The following PRR11 variants were observed in gnomAD, a reference collection of about 807,000 sequenced individuals.
PRR11 encodes proline-rich protein 11.
PRR11 carries 30 observed loss-of-function variants against 45.6 expected under a neutral mutation model. The ratio of observed to expected loss-of-function variants is 0.66; its 90% confidence interval spans 0.49 to 0.89. The LOEUF (loss-of-function observed/expected upper bound fraction) is 0.89, where lower values mean the gene tolerates loss of function less well. PRR11 is among the 40% of genes least tolerant of loss of function. The pLI is 0.00. For synonymous variants in PRR11, 128 were observed against 153.5 expected (o/e 0.83, Z 1.23); for missense variants, 373 against 424.8 (o/e 0.88, Z 1.07).
In PRR11 at chr17:59,205,563, A is replaced by G. The variant is rs28695845; in HGVS notation, c.*3932A>G. Among the ~76,000 whole-genome samples, 65,877 of 149,658 alleles carry G rather than the reference A, an allele frequency of 0.44. 16,544 individuals carry two copies. Among genetic ancestry groups the G allele is most frequent in the African/African-American group, 0.7 (28,379 of 40,668 alleles). The stretch of plus-strand genomic sequence containing the variant: ...CTAAAAATACAAAAATTAGCCGGGC[A>G]TAGTGGCAGACACCTGTAATCCCAG... On this transcript the variant is annotated 3_prime_UTR_variant, in exon 10 of 10. Coordinates refer to ENST00000262293, the MANE Select transcript of PRR11 (RefSeq NM_018304.4).
intron 2 of PRR11, among the ~76,000 whole-genome samples, chr17:59,174,303 TC>T (rs1372978174): frequency 1.3e-5 from 2 of 152,178 alleles, no homozygotes; most frequent in Non-Finnish European, 2.9e-5. Context: ...TGTGACAACA[TC>T]ACAAACCCTG....
At chr17:59,158,493 A>C (rs1298507050) in intron 1 of PRR11, among the ~76,000 whole-genome samples, 1 of 152,226 alleles carries the variant, frequency 6.6e-6, no homozygotes, top group Admixed American at 6.5e-5. Flanking sequence ...CTAAGAGTAA[A>C]GTATCATGAT....
chr17:59,160,266 T>C (rs941571381), intron 1 of PRR11, among the ~76,000 whole-genome samples: 5 of 152,092 alleles, frequency 3.3e-5, no homozygotes, highest in Admixed American at 6.6e-5. Flanking sequence ...CTCTTGAAGG[T>C]CATAAATAAG....
rs563176133 is a variant in PRR11, at chr17:59,185,445, A to G, written c.285A>G (p.Leu95=). The part of the protein sequence containing the change: ...SWCQNCITQS[L]EVLKDTIFPS... ...TTGTTTATTATTAATTTCAGAGTTTAGAAGTATTGAAAGACACCATCTTTC... is the reference window on the plus strand; with the variant it reads ...TTGTTTATTATTAATTTCAGAGTTTGGAAGTATTGAAAGACACCATCTTTC... The change falls in exon 4 of 10, where the codon TTA becomes TTG. Residue 95 remains leucine (L), a synonymous_variant. Coordinates refer to ENST00000262293, the MANE Select transcript of PRR11 (RefSeq NM_018304.4). 1.6e-5 allele frequency: 25 copies of G among 1,598,744 alleles called. No individual in the cohort carries two copies. Among genetic ancestry groups the G allele is most frequent in the Non-Finnish European group, 2.1e-5 (25 of 1,169,616 alleles).
At position 59,205,172 on chromosome 17, in the gene PRR11, T is replaced by A. The variant is rs1370668932; in HGVS notation, c.*3541T>A. On this transcript the variant is annotated 3_prime_UTR_variant, in exon 10 of 10. Transcript: ENST00000262293. Reference sequence around the variant, plus strand: ...AAACTGTGTTCTACCTTGCATCTTTTACTGATTTTTATGACAGATTTTATA... The same window carrying A: ...AAACTGTGTTCTACCTTGCATCTTTAACTGATTTTTATGACAGATTTTATA... Among the ~76,000 whole-genome samples, 1 of 152,210 alleles carries A rather than the reference T, an allele frequency of 6.6e-6. No individual in the cohort carries two copies. The highest frequency in any genetic ancestry group is 1.5e-5 in the Non-Finnish European group (1 of 68,046).
chr17:59,181,755 A>G, intron 2 of PRR11: 1 of 1,557,008 alleles, frequency 6.4e-7, no homozygotes, highest in Non-Finnish European at 8.7e-7. Flanking sequence ...GGGCTGAGTA[A>G]AGAAACCAGG....
At chr17:59,170,507 A>C (rs866883261) in intron 2 of PRR11, among the ~76,000 whole-genome samples, 1 of 151,952 alleles carries the variant, frequency 6.6e-6, no homozygotes, top group African/African-American at 2.4e-5. Flanking sequence ...GGCTCAAGAG[A>C]TCTTCCCACT....
Position 59,165,267 on chromosome 17 carries a change from G to A in PRR11, c.-5-4481G>A, listed in dbSNP as rs564861152. Among the ~76,000 whole-genome samples the A allele has an allele frequency of 2.6e-5, 4 of 151,946 alleles. No homozygotes were observed. The South Asian group carries it at 6.2e-4, about 24-fold the overall frequency. ...GATCTCCTGACCTCATGATCTGCCC[G>A]CCTTGGCCTCCCAAAGTGCTGGGAT... On this transcript the variant is annotated intron_variant, in intron 1 of 9. Transcript: ENST00000262293.
At chr17:59,188,741 C>T (rs1396820681) in intron 4 of PRR11, among the ~76,000 whole-genome samples, 1 of 151,846 alleles carries the variant, frequency 6.6e-6, no homozygotes, top group Non-Finnish European at 1.5e-5. Flanking sequence ...GGGTTTGAGA[C>T]CAGCCTGGCC....
chr17:59,198,271 G>A (rs2046876282), intron 9 of PRR11, among the ~76,000 whole-genome samples: 1 of 152,092 alleles, frequency 6.6e-6, no homozygotes, highest in Admixed American at 6.5e-5. Flanking sequence ...CACAGTGAGT[G>A]GCTCATGCCT....
chr17:59,201,547 CT>C lies in PRR11; in HGVS notation c.1015-5del, dbSNP rs750587785. 27,153 of 971,044 alleles carry C rather than the reference CT, an allele frequency of 0.028. No individual in the cohort carries two copies. The highest frequency in any genetic ancestry group is 0.036 in the South Asian group (1,760 of 49,442). 60.2% of individuals were successfully genotyped at this position (971,044 alleles called of 1,614,324 possible). A position where few individuals can be genotyped will look rare whatever the true frequency, so the allele number is the denominator to read the frequency against. ...AATATAATTGATATTATAATTGGGACTTTTTTTTTTTATAGCTGGCTCACCC... is the reference window on the plus strand; with the variant it reads ...AATATAATTGATATTATAATTGGGACTTTTTTTTTTATAGCTGGCTCACCC... On this transcript the variant is annotated splice_polypyrimidine_tract_variant and intron_variant, in intron 9 of 9. Coordinates refer to ENST00000262293, the MANE Select transcript of PRR11 (RefSeq NM_018304.4).
intron 4 of PRR11, among the ~76,000 whole-genome samples, chr17:59,189,592 C>T (rs1468513300): frequency 6.6e-6 from 1 of 151,964 alleles, no homozygotes; most frequent in Non-Finnish European, 1.5e-5. Flanking sequence ...CCTCGGCCTC[C>T]CAAAGTGCTG....
intron 4 of PRR11, among the ~76,000 whole-genome samples, chr17:59,190,314 AC>A (rs781502248): frequency 6.6e-5 from 10 of 152,208 alleles, no homozygotes; most frequent in Admixed American, 1.3e-4. Flanking sequence ...TACTAAAAAT[AC>A]AAAAAAATTA....
At chr17:59,166,457 T>A (rs2147835156) in intron 1 of PRR11, among the ~76,000 whole-genome samples, 1 of 151,646 alleles carries the variant, frequency 6.6e-6, no homozygotes, top group East Asian at 1.9e-4. Context: ...ATATACTAGA[T>A]AATGTTTTTG....
intron 1 of PRR11, 46 bp from the exon 2 acceptor site, chr17:59,169,702 G>C: frequency 2.1e-6 from 3 of 1,432,328 alleles, no homozygotes; most frequent in Non-Finnish European, 2.8e-6. Flanking sequence ...CTTTCTATAT[G>C]TATATATTAT....
chr17:59,201,535 T>C (rs754305763), intron 9 of PRR11, 28 bp from the exon 10 acceptor site: 2 of 1,599,060 alleles, frequency 1.3e-6, no homozygotes, highest in South Asian at 1.1e-5. Context: ...ATAATTGATA[T>C]TATAATTGGG....
chr17:59,197,929 C>T, intron 9 of PRR11, 140 bp downstream of exon 9: 1 of 687,836 alleles, frequency 1.5e-6, no homozygotes. Flanking sequence ...AGATGGGCAA[C>T]ATGGTGAAAC....
rs951500838 is a variant in PRR11 at position 59,193,527 on chromosome 17, T to G, written c.438T>G (p.Gly146=). 1 of 1,614,146 alleles carries G rather than the reference T, an allele frequency of 6.2e-7. No individual in the cohort carries two copies. The highest frequency in any genetic ancestry group is 2.2e-5 in the East Asian group (1 of 44,890). The stretch of plus-strand genomic sequence containing the variant: ...AAAGTTCTTCCTGTCCAAGCTGTGG[T>G]CAAACATGTCACATGAGTGGTAAAC... ...ISESSSCPSC[G]QTCHMSGKLT... Residue 146 remains glycine (G), a synonymous_variant, in exon 5 of 10, where the codon GGT becomes GGG. Coordinates refer to ENST00000262293, the MANE Select transcript of PRR11 (RefSeq NM_018304.4).
intron 2 of PRR11, among the ~76,000 whole-genome samples, chr17:59,184,457 C>T (rs931059223): frequency 2.0e-5 from 3 of 152,018 alleles, no homozygotes; most frequent in Non-Finnish European, 2.9e-5. Context: ...AGCAAAACTC[C>T]GTCTCAAAAA....
Sources: allele counts gnomAD v4.1 joint callset (sites outside exome capture counted in the v4.1 genomes callset), GRCh38; gene constraint gnomAD v4.1.1; transcripts MANE v1.5; gene names NCBI Gene and HGNC (gene_info 2026-07-23, HGNC 2026-07-21).